The following SLIT3 variants were observed in gnomAD, a reference collection of about 807,000 sequenced individuals.
SLIT3 encodes the protein slit guidance ligand 3.
Under a neutral mutation model 184.0 loss-of-function variants are expected in SLIT3, and 68 were observed. The observed-to-expected ratio is 0.37, with a 90% CI of 0.30 to 0.45. SLIT3 has a LOEUF of 0.45. Ranked by LOEUF, SLIT3 falls within the 20% of genes least tolerant of loss-of-function variation. The probability of loss-of-function intolerance (pLI) is 1.00; values close to 1 mark genes in which losing one functional copy is unlikely to be tolerated. For missense variants in SLIT3, 1,707 were observed against 2,026.0 expected (o/e 0.84, Z 3.02); for synonymous variants, 831 against 828.6 (o/e 1.00, Z -0.05).
At position 169,193,513 on chromosome 5, in the gene SLIT3, A is replaced by T. The variant is rs556336194; in HGVS notation, c.379T>A (p.Leu127Met). 4.0e-5 allele frequency: 65 copies of T among 1,613,994 alleles called. 2 individuals carry two copies. The South Asian group carries it at 6.7e-4, about 17-fold the overall frequency. Reference sequence around the variant, plus strand: ...AGCTTCGGCGTGCTCTGGAAAAGCAATTCTGGAAGGACTTGCAGCTTATTC... The same window carrying T: ...AGCTTCGGCGTGCTCTGGAAAAGCATTTCTGGAAGGACTTGCAGCTTATTC... ...NKNKLQVLPE[L>M]LFQSTPKLTR... is the part of the protein sequence containing the mutation. The change falls in exon 4 of 36, where the codon TTG becomes ATG. Residue 127 changes from leucine (L) to methionine (M), a missense_variant. Physicochemically the swap from Leu to Met is conservative, Grantham distance 15. Around this residue, in one of 3 missense-constraint regions of SLIT3, gnomAD observed 1,307 missense variants for 1,511.6 expected, o/e 0.86. Coordinates refer to ENST00000519560, the MANE Select transcript of SLIT3 (RefSeq NM_003062.4).
At chr5:168,678,682 C>G (rs1761488671) in intron 32 of SLIT3, among the ~76,000 whole-genome samples, 1 of 151,116 alleles carries the variant, frequency 6.6e-6, no homozygotes, top group Non-Finnish European at 1.5e-5. Context: ...GACTCTGTCT[C>G]AAAAAAACAA....
intron 5 of SLIT3, among the ~76,000 whole-genome samples, chr5:168,849,317 G>GC (rs1230623573): frequency 6.6e-6 from 1 of 152,164 alleles, no homozygotes; most frequent in Admixed American, 6.5e-5. Flanking sequence ...CCCTCCAGAG[G>GC]CCCCAAATCC....
chr5:168,708,201 C>A, intron 25 of SLIT3, 101 bp from the exon 26 acceptor site: 2 of 1,525,012 alleles, frequency 1.3e-6, no homozygotes, highest in Non-Finnish European at 1.8e-6. Context: ...CAGCGCCAGC[C>A]CCTTCCCAAC....
rs777902533 is a variant in SLIT3, at chr5:168,664,027, A to G, written c.*2427T>C. On this transcript the variant is annotated 3_prime_UTR_variant, in exon 36 of 36. Coordinates refer to ENST00000519560, the MANE Select transcript of SLIT3 (RefSeq NM_003062.4). ...CAGCCTGGGCCCAGATCCTGGCTCT[A>G]CGGTTTATTAGACATTTACTCTTGG... 14 of 152,166 alleles carry G rather than the reference A, an allele frequency of 9.2e-5. No individual in the cohort carries two copies. Among genetic ancestry groups the G allele is most frequent in the Admixed American group, 6.6e-5 (1 of 15,266 alleles). The allele number at this position is 152,166 out of a possible 1,614,324, so 9.4% of individuals were successfully genotyped here. A position where few individuals can be genotyped will look rare whatever the true frequency, so the allele number is the denominator to read the frequency against.
rs182368578 is a variant in SLIT3, at chr5:168,767,962, G to C, written c.1459+4819C>G. On this transcript the variant is annotated intron_variant, in intron 14 of 35. Transcript: ENST00000519560. ...ATTTTGGGAAAGAGATGTGGATACAGATCTCTTTCCCCAGGGTGCTTCTCC... is the reference window on the plus strand; with the variant it reads ...ATTTTGGGAAAGAGATGTGGATACACATCTCTTTCCCCAGGGTGCTTCTCC... Among the ~76,000 whole-genome samples, 19 of 152,284 alleles carry C rather than the reference G, an allele frequency of 1.2e-4. 1 individual carries two copies. The East Asian group carries it at 3.5e-3, about 28-fold the overall frequency.
intron 1 of SLIT3, among the ~76,000 whole-genome samples, chr5:169,255,861 C>G (rs567616708): frequency 6.6e-6 from 1 of 151,934 alleles, no homozygotes; most frequent in African/African-American, 2.4e-5. Flanking sequence ...CCAGCCTGGG[C>G]GACAGAGCAA....
At chr5:168,911,547 C>T (rs1000752753) in intron 4 of SLIT3, among the ~76,000 whole-genome samples, 1 of 152,208 alleles carries the variant, frequency 6.6e-6, no homozygotes, top group African/African-American at 2.4e-5. Context: ...CAAGTCATGT[C>T]AGCATAATGA....
intron 1 of SLIT3, among the ~76,000 whole-genome samples, chr5:169,292,932 G>C (rs1767400556): frequency 6.6e-6 from 1 of 152,220 alleles, no homozygotes; most frequent in East Asian, 1.9e-4. Context: ...GGCTGTGGCT[G>C]TCCAAAGTGA....
At chr5:168,796,001 C>T (rs1411462217) in intron 9 of SLIT3, among the ~76,000 whole-genome samples, 7 of 152,208 alleles carry the variant, frequency 4.6e-5, no homozygotes, top group African/African-American at 1.7e-4. Flanking sequence ...TGTCACTACT[C>T]AGTTAAACAG....
rs1314174282 is a variant in SLIT3, at chr5:169,152,635, C to T, written c.413+40844G>A. ...ACTCTAGAGCTGTGTGGGCGTGGCACATGGTGAACGTCAAGATCCTTATCA... is the reference window on the plus strand; with the variant it reads ...ACTCTAGAGCTGTGTGGGCGTGGCATATGGTGAACGTCAAGATCCTTATCA... On this transcript the variant is annotated intron_variant, in intron 4 of 35. Coordinates refer to ENST00000519560, the MANE Select transcript of SLIT3 (RefSeq NM_003062.4). Among the ~76,000 whole-genome samples the T allele has an allele frequency of 2.6e-5, 4 of 152,130 alleles. No homozygotes were observed. In the East Asian group the frequency reaches 7.7e-4, roughly 29 times the overall value.
intron 16 of SLIT3, among the ~76,000 whole-genome samples, chr5:168,759,248 A>G (rs2113496417): frequency 6.6e-6 from 1 of 152,308 alleles, no homozygotes; most frequent in East Asian, 1.9e-4. Flanking sequence ...TCTTAGGGAA[A>G]TACAAGATTA....
intron 26 of SLIT3, among the ~76,000 whole-genome samples, chr5:168,706,337 G>A (rs1449851110): frequency 6.6e-6 from 1 of 152,270 alleles, no homozygotes; most frequent in East Asian, 1.9e-4. Context: ...TACTAGCAAT[G>A]GCTACACAGC....
rs1487448988 is a variant in SLIT3 at position 168,907,975 on chromosome 5, TATATAGAG to T, written c.414-24647_414-24640del. 1.5e-4 allele frequency among the ~76,000 whole-genome samples: 10 copies of T among 64,654 alleles called. No homozygotes were observed. The Admixed American group carries it at 1.7e-3, about 11-fold the overall frequency. 42.4% of individuals were successfully genotyped at this position (64,654 alleles called of 152,430 possible). A position where few individuals can be genotyped will look rare whatever the true frequency, so the allele number is the denominator to read the frequency against. ...ATATATATATATATATATATATATA[TATATAGAG>T]AGAGAGAGAGAGAGAGAGAGAGAGG... On this transcript the variant is annotated intron_variant, in intron 4 of 35. Coordinates refer to ENST00000519560, the MANE Select transcript of SLIT3 (RefSeq NM_003062.4).
At chr5:169,293,953 G>GATTTGA (rs1189868852) in intron 1 of SLIT3, among the ~76,000 whole-genome samples, 14 of 152,228 alleles carry the variant, frequency 9.2e-5, no homozygotes, top group Admixed American at 9.2e-4. Flanking sequence ...TGGCAAGGCT[G>GATTTGA]ATTTGAATTC....
intron 4 of SLIT3, among the ~76,000 whole-genome samples, chr5:168,936,732 T>C (rs1762170249): frequency 6.6e-6 from 1 of 152,172 alleles, no homozygotes; most frequent in Non-Finnish European, 1.5e-5. Context: ...ATGCTAACAC[T>C]GACCCTTAAT....
At chr5:168,696,515 TG>T in intron 27 of SLIT3, 84 bp from the exon 28 acceptor site, 3 of 1,512,886 alleles carry the variant, frequency 2.0e-6, no homozygotes, top group Non-Finnish European at 2.7e-6. Flanking sequence ...AAGACACGGG[TG>T]GGAAATACAA....
chr5:169,071,810 A>T (rs1480120312), intron 4 of SLIT3, among the ~76,000 whole-genome samples: 1 of 152,174 alleles, frequency 6.6e-6, no homozygotes, highest in African/African-American at 2.4e-5. Context: ...CTCTTGCCTT[A>T]TCAATTCCTT....
chr5:169,084,587 C>T (rs895830352), intron 4 of SLIT3, among the ~76,000 whole-genome samples: 7 of 151,664 alleles, frequency 4.6e-5, no homozygotes, highest in African/African-American at 1.5e-4. Context: ...GGATTACAGG[C>T]GTGTGCCACC....
intron 4 of SLIT3, chr5:169,024,225 C>A (rs978084250): frequency 1.3e-5 from 2 of 152,204 alleles, no homozygotes; most frequent in African/African-American, 4.8e-5. Context: ...CCAGTCCACC[C>A]CGGGAGGAAG....
Sources: gnomAD v4.1 joint callset for allele counts (sites outside exome capture counted in the v4.1 genomes callset) on GRCh38, gnomAD v4.1.1 for gene constraint, gnomAD v4.1.1 regional missense constraint, MANE v1.5 for transcripts, NCBI Gene and HGNC (gene_info 2026-07-23, HGNC 2026-07-21) for gene names.